Variants in SAV1 observed in about 807,000 individuals in gnomAD.
SAV1 encodes salvador family WW domain containing protein 1, also known as protein salvador homolog 1.
Under a neutral mutation model 47.3 loss-of-function variants are expected in SAV1, and 23 were observed. The observed-to-expected ratio is 0.49, with a 90% CI of 0.35 to 0.69. The LOEUF (loss-of-function observed/expected upper bound fraction) is 0.69. Among genes scored for constraint, SAV1 ranks in the 30% least tolerant of loss-of-function variants. The pLI is 0.01. For synonymous variants in SAV1, 155 were observed against 159.2 expected (o/e 0.97, Z 0.20); for missense variants, 448 against 457.4 (o/e 0.98, Z 0.19).
Position 50,668,262 on chromosome 14 carries a change from C to A in SAV1, c.-295G>T, listed in dbSNP as rs1423830605. 5.2e-6 allele frequency: 1 copy of A among 190,752 alleles called. No homozygotes were observed. The highest frequency in any genetic ancestry group is 1.1e-5 in the Non-Finnish European group (1 of 93,920). The allele number at this position is 190,752 out of a possible 1,614,324, so 11.8% of individuals were successfully genotyped here. A position where few individuals can be genotyped will look rare whatever the true frequency, so the allele number is the denominator to read the frequency against. On this transcript the variant is annotated 5_prime_UTR_variant, in exon 1 of 5. Transcript: ENST00000324679. ...AAAGCCCAGCGACGCCGGGCCAGGG[C>A]CAGGGCCATGGTCCGCCGCGGGCCG...
At chr14:50,638,080 G>C (rs1392350526) in intron 4 of SAV1, 1 of 152,170 alleles carries the variant, frequency 6.6e-6, no homozygotes, top group Non-Finnish European at 1.5e-5. Flanking sequence ...GGGGAAGAAA[G>C]TGCACTCCAA....
Position 50,644,977 on chromosome 14 carries a change from C to A in SAV1, c.573G>T (p.Leu191Phe), listed in dbSNP as rs902073813. The change falls in exon 3 of 5, where the codon TTG becomes TTT. Residue 191 changes from leucine (L) to phenylalanine (F), a missense_variant. Coordinates refer to ENST00000324679, the MANE Select transcript of SAV1 (RefSeq NM_021818.4). Reference protein sequence around the residue: ...GRVAATSLGNLTNHGSEDLPL... With the variant: ...GRVAATSLGNFTNHGSEDLPL... ...GTAAATCTTCAGAACCATGGTTAGT[C>A]AAATTTCCTAAAGATGTAGCAGCAA... is the stretch of plus-strand genomic sequence containing the variant. The A allele has an allele frequency of 6.8e-6, 11 of 1,612,786 alleles. No homozygotes were observed. In the East Asian group the frequency reaches 2.2e-4, roughly 33 times the overall value.
chr14:50,641,596 A>G (rs1843603786), intron 3 of SAV1, among the ~76,000 whole-genome samples: 2 of 152,244 alleles, frequency 1.3e-5, no homozygotes, highest in Admixed American at 6.5e-5. Context: ...GCCAACAAGC[A>G]TATGAGAAAA....
chr14:50,651,022 C>CA (rs553896878), intron 2 of SAV1, among the ~76,000 whole-genome samples: 2,602 of 126,828 alleles, frequency 0.021, 50 homozygotes, highest in African/African-American at 0.061. Flanking sequence ...ACTCTGTCTC[C>CA]AAAAAAAAAA....
chr14:50,644,341 TGA>T (rs2039703151), intron 3 of SAV1, among the ~76,000 whole-genome samples: 1 of 152,248 alleles, frequency 6.6e-6, no homozygotes, highest in East Asian at 1.9e-4. Context: ...CAATCATGTC[TGA>T]AATAGAATAA....
rs777370963 is a variant in SAV1 at position 50,644,951 on chromosome 14, G to T, written c.599C>A (p.Pro200His). 1.2e-5 allele frequency: 19 copies of T among 1,613,562 alleles called. No individual in the cohort carries two copies. Among genetic ancestry groups the T allele is most frequent in the Non-Finnish European group, 1.6e-5 (19 of 1,179,820 alleles). ...NLTNHGSEDL[P>H]LPPGWSVDWT... ...GTCCACAGACCAGCCAGGAGGAAGG[G>T]GTAAATCTTCAGAACCATGGTTAGT... The change falls in exon 3 of 5, where the codon CCC becomes CAC. Residue 200 changes from proline to histidine, a missense_variant. Pro to His is a moderately conservative substitution (Grantham distance 77, BLOSUM62 -2). Coordinates refer to ENST00000324679, the MANE Select transcript of SAV1 (RefSeq NM_021818.4).
At chr14:50,650,593 T>G (rs1432520851) in intron 2 of SAV1, among the ~76,000 whole-genome samples, 1 of 152,180 alleles carries the variant, frequency 6.6e-6, no homozygotes, top group Non-Finnish European at 1.5e-5. Context: ...TCTGCCTTGG[T>G]CAAGTGTACT....
intron 3 of SAV1, among the ~76,000 whole-genome samples, chr14:50,644,008 C>T (rs1033783484): frequency 3.3e-5 from 5 of 152,186 alleles, no homozygotes; most frequent in African/African-American, 9.7e-5. Flanking sequence ...TTTTGAAGCT[C>T]AAATGTGGTT....
chr14:50,640,758 G>A lies in SAV1; in HGVS notation c.942C>T (p.Ala314=), dbSNP rs1177541256. 6.2e-7 allele frequency: 1 copy of A among 1,612,372 alleles called. No homozygotes were observed. Among genetic ancestry groups the A allele is most frequent in the Non-Finnish European group, 8.5e-7 (1 of 1,179,154 alleles). Residue 314 remains alanine (A), a synonymous_variant, in exon 4 of 5, where the codon GCC becomes GCT. Transcript: ENST00000324679. Reference sequence around the variant, plus strand: ...GTTGTAAATGTACTTACTTCACAGGGGCTCGTGCGTAAACCTGAAGCCAGT... The same window carrying A: ...GTTGTAAATGTACTTACTTCACAGGAGCTCGTGCGTAAACCTGAAGCCAGT... ...IPDWLQVYAR[A]PVKYDHILKW...
chr14:50,667,358 C>A (rs2039910664), intron 1 of SAV1: 1 of 452,778 alleles, frequency 2.2e-6, no homozygotes, highest in East Asian at 7.0e-5. Context: ...GTGGCGGCTA[C>A]AAGAACGACG....
chr14:50,666,637 G>T (rs1193768575), intron 1 of SAV1, among the ~76,000 whole-genome samples: 5 of 152,042 alleles, frequency 3.3e-5, no homozygotes, highest in Non-Finnish European at 7.4e-5. Context: ...ATGTACCCCA[G>T]AACTTAAAGT....
intron 2 of SAV1, among the ~76,000 whole-genome samples, chr14:50,658,870 T>C (rs980046796): frequency 4.6e-5 from 7 of 152,210 alleles, no homozygotes; most frequent in African/African-American, 1.4e-4. Context: ...GATTTTTCCC[T>C]TGTGGAAGAG....
At chr14:50,640,933 T>TA (rs1039903594) in intron 3 of SAV1, 40 bp from the exon 4 acceptor site, 2 of 1,533,098 alleles carry the variant, frequency 1.3e-6, no homozygotes, top group Non-Finnish European at 1.8e-6. Context: ...ATAAAGGTCT[T>TA]AAAATCTAAA....
intron 2 of SAV1, among the ~76,000 whole-genome samples, chr14:50,653,751 C>G (rs1276932572): frequency 6.6e-6 from 1 of 151,918 alleles, no homozygotes; most frequent in Non-Finnish European, 1.5e-5. Flanking sequence ...TACTTGTAGT[C>G]CCAGCTACTC....
At chr14:50,652,519 C>A (rs2140257145) in intron 2 of SAV1, among the ~76,000 whole-genome samples, 1 of 152,258 alleles carries the variant, frequency 6.6e-6, no homozygotes, top group African/African-American at 2.4e-5. Flanking sequence ...AACATCTAGT[C>A]ACATTAGAAA....
chr14:50,638,503 A>G (rs1244246584), intron 4 of SAV1, among the ~76,000 whole-genome samples: 2 of 152,150 alleles, frequency 1.3e-5, no homozygotes, highest in African/African-American at 2.4e-5. Context: ...CAAGATCAAC[A>G]GTGCTGCTAT....
chr14:50,655,164 A>C (rs561286180), intron 2 of SAV1, among the ~76,000 whole-genome samples: 1 of 152,324 alleles, frequency 6.6e-6, no homozygotes, highest in African/African-American at 2.4e-5. Flanking sequence ...AATGTATGAA[A>C]CACATGTACA....
rs1318770092 is a variant in SAV1, at chr14:50,655,413, T to A, written c.535+9766A>T. ...AACAAAATTCTAAATACTGCATTAT[T>A]AAAAACAAAAGCTGCCTTTTTTTTT... is the stretch of plus-strand genomic sequence containing the variant. On this transcript the variant is annotated intron_variant, in intron 2 of 4. Coordinates refer to ENST00000324679, the MANE Select transcript of SAV1 (RefSeq NM_021818.4). Among the ~76,000 whole-genome samples, 5 of 137,056 alleles carry A rather than the reference T, an allele frequency of 3.6e-5. No individual in the cohort carries two copies. The South Asian group carries it at 1.2e-3, about 32-fold the overall frequency. 89.9% of individuals were successfully genotyped at this position (137,056 alleles called of 152,430 possible).
At chr14:50,659,277 A>T (rs1331703610) in intron 2 of SAV1, among the ~76,000 whole-genome samples, 4 of 152,198 alleles carry the variant, frequency 2.6e-5, no homozygotes, top group Non-Finnish European at 5.9e-5. Context: ...TGTGTGTTCC[A>T]ATAAAACTAC....
Sources: allele counts gnomAD v4.1 joint callset (sites outside exome capture counted in the v4.1 genomes callset), GRCh38; gene constraint gnomAD v4.1.1; transcripts MANE v1.5; gene names NCBI Gene and HGNC (gene_info 2026-07-23, HGNC 2026-07-21).